DYRK4: variants seen among roughly 807,000 people sequenced by gnomAD.
The protein encoded by DYRK4 is dual specificity tyrosine-phosphorylation-regulated kinase 4.
A neutral mutation model predicts 68.3 loss-of-function variants in DYRK4; 64 were observed. The ratio of observed to expected loss-of-function variants is 0.94; its 90% CI spans 0.77 to 1.15. DYRK4 has a LOEUF of 1.15. DYRK4 is among the 50% of genes most tolerant of loss of function. The probability of loss-of-function intolerance (pLI) is 0.00; values close to 1 mark genes in which losing one functional copy is unlikely to be tolerated. For synonymous variants in DYRK4, 274 were observed against 289.9 expected (o/e 0.95, Z 0.56); for missense variants, 740 against 764.7 (o/e 0.97, Z 0.38).
intron 10 of DYRK4, among the ~76,000 whole-genome samples, chr12:4,600,371 A>G (rs949613529): frequency 3.0e-4 from 46 of 152,080 alleles, no homozygotes; most frequent in African/African-American, 1.1e-3. Flanking sequence ...CCTGGGTACC[A>G]GGAACAATTA....
intron 1 of DYRK4, among the ~76,000 whole-genome samples, chr12:4,564,656 T>G (rs1944659392): frequency 6.6e-6 from 1 of 152,224 alleles, no homozygotes; most frequent in Non-Finnish European, 1.5e-5. Context: ...AAAACAAGGC[T>G]TCTGTTTTAT....
rs772657205 is a variant in DYRK4 at position 4,596,182 on chromosome 12, G to T, written c.661G>T (p.Val221Phe). 2.5e-6 allele frequency: 4 copies of T among 1,614,242 alleles called. No homozygotes were observed. Among genetic ancestry groups the T allele is most frequent in the Non-Finnish European group, 3.4e-6 (4 of 1,180,040 alleles). Residue 221 changes from valine (V) to phenylalanine (F), a missense_variant, in exon 7 of 15, where the codon GTT becomes TTT. Coordinates refer to ENST00000543431, the MANE Select transcript of DYRK4 (RefSeq NM_001394779.1). ...LHDHIAYRYEVLETIGKGSFG... is the reference protein window; with the variant it reads ...LHDHIAYRYEFLETIGKGSFG... ...TGATCACATTGCCTACCGCTATGAA[G>T]TTCTGGAGACAATCGGGAAGGGGTC...
At chr12:4,601,524 T>C (rs1319853859) in intron 10 of DYRK4, among the ~76,000 whole-genome samples, 2 of 152,134 alleles carry the variant, frequency 1.3e-5, no homozygotes, top group Admixed American at 1.3e-4. Context: ...GAGATTTAAA[T>C]GTAATGGCCT....
chr12:4,574,935 C>G (rs1185962049), intron 2 of DYRK4, among the ~76,000 whole-genome samples: 1 of 152,172 alleles, frequency 6.6e-6, no homozygotes, highest in East Asian at 1.9e-4. Flanking sequence ...CCAGACTGGT[C>G]TCTCAAACTC....
chr12:4,572,355 C>T (rs565937051), intron 2 of DYRK4, among the ~76,000 whole-genome samples: 2 of 152,154 alleles, frequency 1.3e-5, no homozygotes, highest in African/African-American at 4.8e-5. Context: ...GATCTTGGCT[C>T]ACTGCAAGCT....
intron 2 of DYRK4, among the ~76,000 whole-genome samples, chr12:4,570,343 C>A (rs1472286490): frequency 6.6e-6 from 1 of 152,126 alleles, no homozygotes; most frequent in East Asian, 1.9e-4. Flanking sequence ...TAAAAATACT[C>A]TTGAAACTTA....
Position 4,591,247 on chromosome 12 carries a change from A to C in DYRK4, c.412A>C (p.Lys138Gln), listed in dbSNP as rs765959517. The C allele has an allele frequency of 7.4e-6, 12 of 1,614,068 alleles. No individual in the cohort carries two copies. The highest frequency in any genetic ancestry group is 1.3e-5 in the African/African-American group (1 of 74,912). ...CCCTAGCATTAAAACCCAGGATCCC[A>C]AGGCAGAGGAGAAGTCACCAAAGAA... is the stretch of plus-strand genomic sequence containing the variant. ...FHPSIKTQDP[K>Q]AEEKSPKKQK... Residue 138 changes from lysine (K) to glutamine (Q), a missense_variant, in exon 5 of 15, where the codon AAG (lysine) becomes CAG (glutamine). Coordinates refer to ENST00000543431, the MANE Select transcript of DYRK4 (RefSeq NM_001394779.1). This position sits in a 1 kb window ranked among gnomAD's most constrained non-coding sequence, Gnocchi z 4.1.
chr12:4,575,149 C>T (rs117223798), intron 2 of DYRK4, among the ~76,000 whole-genome samples: 4,971 of 152,308 alleles, frequency 0.033, 94 homozygotes, highest in South Asian at 0.085. Flanking sequence ...GAATGCTTGA[C>T]GTTACCAGAT....
At position 4,568,007 on chromosome 12, in the gene DYRK4, G is replaced by A; in HGVS notation, c.91G>A (p.Val31Ile). The A allele has an allele frequency of 6.5e-7, 1 of 1,536,154 alleles. No individual in the cohort carries two copies. The highest frequency in any genetic ancestry group is 1.2e-5 in the South Asian group (1 of 84,068). ...GAAATGTGATTTGACTCCCTTCCTG[G>A]TTTTGAAAGCAAGAAAGAAACAAAA... ...PRKCDLTPFL[V>I]LKARKKQKFT... is the part of the protein sequence containing the mutation. Residue 31 changes from valine to isoleucine, a missense_variant, in exon 2 of 15, where the codon GTT becomes ATT. Around this residue, in one of 3 missense-constraint regions of DYRK4, gnomAD observed 70 missense variants for 71.1 expected, o/e 0.98. Coordinates refer to ENST00000543431, the MANE Select transcript of DYRK4 (RefSeq NM_001394779.1).
At position 4,591,353 on chromosome 12, in the gene DYRK4, T is replaced by C; in HGVS notation, c.463+55T>C. 1 of 1,597,420 alleles carries C rather than the reference T, an allele frequency of 6.3e-7. No homozygotes were observed. The highest frequency in any genetic ancestry group is 8.5e-7 in the Non-Finnish European group (1 of 1,173,150). ...GAGGTGCTTATGGAAGGTCGGGGTGTTAAGAGCTAAGCTGCGCTGGAGTGA... is the reference window on the plus strand; with the variant it reads ...GAGGTGCTTATGGAAGGTCGGGGTGCTAAGAGCTAAGCTGCGCTGGAGTGA... On this transcript the variant is annotated intron_variant, in intron 5 of 14. Transcript: ENST00000543431. The surrounding 1 kb of genome is among the most constrained non-coding windows in gnomAD (Gnocchi z 4.1).
At chr12:4,611,111 T>C (rs1945215671) in intron 13 of DYRK4, among the ~76,000 whole-genome samples, 2 of 152,220 alleles carry the variant, frequency 1.3e-5, no homozygotes, top group Admixed American at 1.3e-4. Flanking sequence ...ACCATATCAT[T>C]ACAGTCTCTT....
chr12:4,593,058 G>A lies in DYRK4; in HGVS notation c.520G>A (p.Gly174Ser). 3.1e-6 allele frequency: 5 copies of A among 1,614,154 alleles called. No homozygotes were observed. The highest frequency in any genetic ancestry group is 4.2e-6 in the Non-Finnish European group (5 of 1,180,040). The change falls in exon 6 of 15, where the codon GGC (glycine) becomes AGC (serine). Residue 174 changes from glycine to serine, a missense_variant. By Grantham distance (56) the Gly-to-Ser change is moderately conservative. Transcript: ENST00000543431. ...TCCATATGAACAAAGTGAAATCCTG[G>A]GCTACGCGGAGCTGTGGTTCCTGGG... ...LSPYEQSEIL[G>S]YAELWFLGLE...
chr12:4,604,897 T>C lies in DYRK4; in HGVS notation c.1127-17T>C, dbSNP rs1945123590. 1.3e-6 allele frequency: 2 copies of C among 1,572,158 alleles called. No individual in the cohort carries two copies. The highest frequency in any genetic ancestry group is 1.8e-5 in the Admixed American group (1 of 55,584). On this transcript the variant is annotated splice_polypyrimidine_tract_variant and intron_variant, in intron 10 of 14. Coordinates refer to ENST00000543431, the MANE Select transcript of DYRK4 (RefSeq NM_001394779.1). ...AGAAGTTTGTCCCACGAGGTTTCTC[T>C]TACTTTGCCTCCGCAGTATACACGT...
chr12:4,592,828 TTTA>T (rs1252212789), intron 5 of DYRK4, 171 bp from the exon 6 acceptor site: 14 of 652,700 alleles, frequency 2.1e-5, no homozygotes, highest in Non-Finnish European at 3.3e-5. Context: ...GACCTTGACA[TTTA>T]TTCTTGTCAT....
chr12:4,597,469 C>T (rs991731957), intron 8 of DYRK4, among the ~76,000 whole-genome samples: 2 of 152,242 alleles, frequency 1.3e-5, no homozygotes, highest in African/African-American at 2.4e-5. Context: ...AGGTGACACT[C>T]TCCTCACCAT....
intron 2 of DYRK4, among the ~76,000 whole-genome samples, chr12:4,587,913 A>G (rs776978436): frequency 4.6e-5 from 7 of 152,204 alleles, no homozygotes; most frequent in Non-Finnish European, 8.8e-5. Context: ...GGAGGTCTGG[A>G]AGAAGGAGGA....
chr12:4,604,280 G>A (rs1431841188), intron 10 of DYRK4, among the ~76,000 whole-genome samples: 2 of 152,134 alleles, frequency 1.3e-5, no homozygotes, highest in Non-Finnish European at 1.5e-5. Flanking sequence ...TCTCTATTTT[G>A]TTTTAAATCA....
intron 1 of DYRK4, among the ~76,000 whole-genome samples, chr12:4,566,632 A>G (rs915941387): frequency 1.3e-5 from 2 of 152,226 alleles, no homozygotes; most frequent in African/African-American, 2.4e-5. Context: ...TTTCCTGGAT[A>G]AGGAGTTTTC....
chr12:4,575,051 G>A (rs1295624957), intron 2 of DYRK4, among the ~76,000 whole-genome samples: 2 of 152,116 alleles, frequency 1.3e-5, no homozygotes, highest in African/African-American at 4.8e-5. Flanking sequence ...GCTGCTATGA[G>A]CATTCTTGTG....
Sources: allele counts gnomAD v4.1 joint callset (sites outside exome capture counted in the v4.1 genomes callset), GRCh38; gene constraint gnomAD v4.1.1; regional missense constraint gnomAD v4.1.1; non-coding constraint Gnocchi (gnomAD v3.1); transcripts MANE v1.5; gene names NCBI Gene and HGNC (gene_info 2026-07-23, HGNC 2026-07-21).